Variants in LENG1 observed in about 807,000 individuals in gnomAD.
LENG1 encodes leukocyte receptor cluster (LRC) member 1.
LENG1 carries 35 observed loss-of-function variants against 28.8 expected under a neutral mutation model. The ratio of observed to expected loss-of-function variants is 1.22; its 90% CI spans 0.93 to 1.61. LENG1 has a LOEUF of 1.61. Among genes scored for constraint, LENG1 ranks in the 40% most tolerant of loss-of-function variants. LENG1 has a pLI of 0.00. For synonymous variants in LENG1, 170 were observed against 140.6 expected (o/e 1.21, Z -1.48); for missense variants, 404 against 348.9 (o/e 1.16, Z -1.26).
chr19:54,157,092 C>CACAGGTATCTAAGCGA lies in LENG1; in HGVS notation c.313-83_313-68dup, dbSNP rs368888481. On this transcript the variant is annotated intron_variant, in intron 2 of 3. Coordinates refer to ENST00000222224, the MANE Select transcript of LENG1 (RefSeq NM_024316.3). ...CAAGGTGTCAGGTGTGTCTCCCTGACACAGGTATCTAAGCGAACAGGTATC... is the reference window on the plus strand; with the variant it reads ...CAAGGTGTCAGGTGTGTCTCCCTGACACAGGTATCTAAGCGAACAGGTATCTAAGCGAACAGGTATC... 4.5e-6 allele frequency: 6 copies of CACAGGTATCTAAGCGA among 1,321,418 alleles called. No individual in the cohort carries two copies. The Admixed American group carries it at 1.0e-4, about 23-fold the overall frequency. The allele number at this position is 1,321,418 out of a possible 1,614,324, so 81.9% of individuals were successfully genotyped here.
chr19:54,155,539 G>T lies in LENG1; in HGVS notation c.*182C>A, dbSNP rs2075358906. On this transcript the variant is annotated 3_prime_UTR_variant, in exon 4 of 4. Coordinates refer to ENST00000222224, the MANE Select transcript of LENG1 (RefSeq NM_024316.3). ...TCCCCCTCTCCCAGGAAGCAGGGAG[G>T]GGGCCGGGAGGTTTTCCTCTCAGCC... The T allele has an allele frequency of 1.1e-6, 1 of 902,140 alleles. No homozygotes were observed. Among genetic ancestry groups the T allele is most frequent in the East Asian group, 2.7e-5 (1 of 37,680 alleles). The allele number at this position is 902,140 out of a possible 1,614,324, so 55.9% of individuals were successfully genotyped here.
At chr19:54,158,573 G>A (rs2075440296) in intron 1 of LENG1, 112 bp from the exon 2 acceptor site, 6 of 990,482 alleles carry the variant, frequency 6.1e-6, no homozygotes, top group Admixed American at 2.4e-5. Context: ...TTATGAGAAA[G>A]GGAGCACTAG....
At position 54,158,356 on chromosome 19, in the gene LENG1, G is replaced by A. The variant is rs1196663185; in HGVS notation, c.238C>T (p.Arg80Trp). The A allele has an allele frequency of 2.5e-6, 4 of 1,610,614 alleles. No individual in the cohort carries two copies. Among genetic ancestry groups the A allele is most frequent in the South Asian group, 1.1e-5 (1 of 90,938 alleles). Reference protein sequence around the residue: ...APGSGPVDLFRELLEEGKGVI... With the variant: ...APGSGPVDLFWELLEEGKGVI... ...CCTTTCCCTTCCTCCAGCAGCTCCC[G>A]AAACAGGTCCACAGGGCCAGAACCT... Residue 80 changes from arginine (R) to tryptophan (W), a missense_variant, in exon 2 of 4, where the codon CGG (arginine) becomes TGG (tryptophan). Transcript: ENST00000222224.
chr19:54,158,896 A>G (rs549609755), intron 1 of LENG1, among the ~76,000 whole-genome samples: 1 of 152,346 alleles, frequency 6.6e-6, no homozygotes, highest in South Asian at 2.1e-4. Flanking sequence ...CTGAGATTCT[A>G]AAAACCTAGA....
At position 54,156,924 on chromosome 19, in the gene LENG1, C is replaced by T. The variant is rs779728440; in HGVS notation, c.414G>A (p.Gly138=). 1.2e-6 allele frequency: 2 copies of T among 1,613,264 alleles called. No individual in the cohort carries two copies. The highest frequency in any genetic ancestry group is 1.7e-6 in the Non-Finnish European group (2 of 1,179,452). Residue 138 remains glycine, a synonymous_variant, in exon 3 of 4, where the codon GGG becomes GGA. Transcript: ENST00000222224. ...PPWYQLPPGR[G]GPPPGPAPDE... is the part of the protein sequence containing the mutation. ...CTGGGGCTGGGCCGGGCGGGGGGCC[C>T]CCTCGCCCTGGGGGTAGCTGGTACC... is the stretch of plus-strand genomic sequence containing the variant.
In LENG1 at chr19:54,155,918, G is replaced by C. The variant is rs770445206; in HGVS notation, c.598C>G (p.Arg200Gly). 9.9e-6 allele frequency: 16 copies of C among 1,610,824 alleles called. No homozygotes were observed. Among genetic ancestry groups the C allele is most frequent in the African/African-American group, 1.3e-5 (1 of 74,898 alleles). ...PKEPPSLDQLRAERLRREAAE... is the reference protein window; with the variant it reads ...PKEPPSLDQLGAERLRREAAE... ...GCTTCCCTCCGCAGACGTTCAGCTC[G>C]AAGCTGGTCCAGGGATGGAGGCCTG... is the stretch of plus-strand genomic sequence containing the variant. The change falls in exon 4 of 4, where the codon CGA becomes GGA. Residue 200 changes from arginine (R) to glycine (G), a missense_variant. By Grantham distance (125) the Arg-to-Gly change is moderately radical. Transcript: ENST00000222224.
At chr19:54,157,482 C>T (rs1240298677) in intron 2 of LENG1, among the ~76,000 whole-genome samples, 3 of 152,076 alleles carry the variant, frequency 2.0e-5, no homozygotes, top group African/African-American at 7.2e-5. Context: ...AATCCTCCTA[C>T]CTCAGCCCCC....
rs747987049 is a variant in LENG1, at chr19:54,156,937, G to A, written c.401C>T (p.Pro134Leu). The change falls in exon 3 of 4, where the codon CCC (proline) becomes CTC (leucine). Residue 134 changes from proline (P) to leucine (L), a missense_variant. Physicochemically the swap from Pro to Leu is moderately conservative, Grantham distance 98. Transcript: ENST00000222224. Reference protein sequence around the residue: ...AQTQPPWYQLPPGRGGPPPGP... With the variant: ...AQTQPPWYQLLPGRGGPPPGP... The stretch of plus-strand genomic sequence containing the variant: ...GGGCGGGGGGCCCCCTCGCCCTGGG[G>A]GTAGCTGGTACCAAGGGGGTTGAGT... 21 of 1,613,016 alleles carry A rather than the reference G, an allele frequency of 1.3e-5. 2 individuals are homozygous for A. The South Asian group carries it at 2.3e-4, about 18-fold the overall frequency.
In LENG1 at chr19:54,159,599, CCTT is replaced by C; in HGVS notation, c.94_96del (p.Lys32del). The C allele has an allele frequency of 1.9e-6, 3 of 1,604,676 alleles. No homozygotes were observed. Among genetic ancestry groups the C allele is most frequent in the South Asian group, 1.1e-5 (1 of 89,760 alleles). ...GCCAGCAGCACCCTCCGCTCACGCT[CCTT>C]CTCCTCCTCCCGGGCCTGGGCCTCG... On this transcript the variant is annotated inframe_deletion, in exon 1 of 4. Coordinates refer to ENST00000222224, the MANE Select transcript of LENG1 (RefSeq NM_024316.3).
chr19:54,156,981 C>G lies in LENG1; in HGVS notation c.357G>C (p.Gln119His). The G allele has an allele frequency of 2.5e-6, 4 of 1,593,964 alleles. No individual in the cohort carries two copies. Among genetic ancestry groups the G allele is most frequent in the Non-Finnish European group, 3.4e-6 (4 of 1,168,444 alleles). ...GTTGAGTCTGTGCCTCCGCTGCACT[C>G]TGGCCCAGGTATGTCAGGATGCCCA... is the stretch of plus-strand genomic sequence containing the variant. Reference protein sequence around the residue: ...KALGILTYLGQSAAEAQTQPP... With the variant: ...KALGILTYLGHSAAEAQTQPP... The change falls in exon 3 of 4, where the codon CAG becomes CAC. Residue 119 changes from glutamine (Q) to histidine (H), a missense_variant. Physicochemically the swap from Gln to His is conservative, Grantham distance 24 (BLOSUM62 0). Coordinates refer to ENST00000222224, the MANE Select transcript of LENG1 (RefSeq NM_024316.3).
Position 54,156,925 on chromosome 19 carries a change from C to T in LENG1, c.413G>A (p.Gly138Glu). 1.2e-6 allele frequency: 2 copies of T among 1,613,352 alleles called. No homozygotes were observed. Among genetic ancestry groups the T allele is most frequent in the South Asian group, 2.2e-5 (2 of 91,038 alleles). Residue 138 changes from glycine (G) to glutamate (E), a missense_variant, in exon 3 of 4, where the codon GGG (glycine) becomes GAG (glutamate). Coordinates refer to ENST00000222224, the MANE Select transcript of LENG1 (RefSeq NM_024316.3). ...PPWYQLPPGR[G>E]GPPPGPAPDE... ...TGGGGCTGGGCCGGGCGGGGGGCCC[C>T]CTCGCCCTGGGGGTAGCTGGTACCA...
chr19:54,157,154 G>C, intron 2 of LENG1, 129 bp from the exon 3 acceptor site: 1 of 686,382 alleles, frequency 1.5e-6, no homozygotes, highest in Non-Finnish European at 2.2e-6. Context: ...CAGGTGCTGG[G>C]GATGGAAGAC....
chr19:54,159,533 G>A (rs778155159), intron 1 of LENG1, 31 bp downstream of exon 1: 4 of 1,510,080 alleles, frequency 2.6e-6, no homozygotes, highest in Non-Finnish European at 3.5e-6. Flanking sequence ...GCTGGGCCCC[G>A]GAGCGCCGCC....
chr19:54,155,380 C>A lies in LENG1; in HGVS notation c.*341G>T. On this transcript the variant is annotated 3_prime_UTR_variant, in exon 4 of 4. Transcript: ENST00000222224. ...AGGAAGGCTTCACCTTTGAGTACCG[C>A]TACCTGGAGGACCGGGACCTCCAGT... The A allele has an allele frequency of 1.2e-6, 2 of 1,611,476 alleles. No individual in the cohort carries two copies. Among genetic ancestry groups the A allele is most frequent in the Non-Finnish European group, 1.7e-6 (2 of 1,178,308 alleles).
chr19:54,159,214 C>G (rs893084616), intron 1 of LENG1, among the ~76,000 whole-genome samples: 12 of 152,350 alleles, frequency 7.9e-5, no homozygotes, highest in African/African-American at 2.9e-4. Context: ...ACAGTAGATG[C>G]TCAATAAATA....
At chr19:54,156,303 C>T (rs2075385413) in intron 3 of LENG1, among the ~76,000 whole-genome samples, 1 of 152,204 alleles carries the variant, frequency 6.6e-6, no homozygotes, top group South Asian at 2.1e-4. Flanking sequence ...CCTGCTTTTA[C>T]TCTCTAACCC....
intron 1 of LENG1, among the ~76,000 whole-genome samples, chr19:54,158,790 G>C (rs1435692946): frequency 6.6e-6 from 1 of 152,216 alleles, no homozygotes; most frequent in Non-Finnish European, 1.5e-5. Context: ...CAGACGATCT[G>C]AATTCTAGCC....
At position 54,155,412 on chromosome 19, in the gene LENG1, G is replaced by A. The variant is rs201836403; in HGVS notation, c.*309C>T. ...GAGGACCGGGACCTCCAGTGACACC[G>A]GCCCCTCCCTCTACCCACCCCCTTC... On this transcript the variant is annotated 3_prime_UTR_variant, in exon 4 of 4. Transcript: ENST00000222224. 243 of 1,578,442 alleles carry A rather than the reference G, an allele frequency of 1.5e-4. No individual in the cohort carries two copies. The African/African-American group carries it at 2.6e-3, about 17-fold the overall frequency.
At position 54,155,758 on chromosome 19, in the gene LENG1, C is replaced by CG. The variant is rs1568700946; in HGVS notation, c.757dup (p.Arg253ProfsTer29). 1 of 1,609,954 alleles carries CG rather than the reference C, an allele frequency of 6.2e-7. No homozygotes were observed. Among genetic ancestry groups the CG allele is most frequent in the Admixed American group, 1.7e-5 (1 of 59,612 alleles). ...GTGAGGGTCCTGCTGGCGGGGGCGCCGGGCCAGCTGGGGGTTGAATTGGGA... is the reference window on the plus strand; with the variant it reads ...GTGAGGGTCCTGCTGGCGGGGGCGCCGGGGCCAGCTGGGGGTTGAATTGGGA... On this transcript the variant is annotated frameshift_variant, in exon 4 of 4. Transcript: ENST00000222224. LOFTEE classifies it high-confidence loss of function.
Sources: allele counts gnomAD v4.1 joint callset (sites outside exome capture counted in the v4.1 genomes callset), GRCh38; gene constraint gnomAD v4.1.1; transcripts MANE v1.5; gene names NCBI Gene and HGNC (gene_info 2026-07-23, HGNC 2026-07-21).